The following LOC128125822 variants were observed in gnomAD, a reference collection of about 807,000 sequenced individuals.
the LOC128125822 span, among the ~76,000 whole-genome samples, chr6:63,573,013 T>C: frequency 1.3e-5 from 2 of 151,570 alleles, no homozygotes; most frequent in Admixed American, 1.3e-4. Flanking sequence ...GCGGTCCGGC[T>C]TCTGCGGCGG....
At chr6:63,578,590 G>C in the LOC128125822 span, 1 of 1,551,440 alleles carries the variant, frequency 6.4e-7, no homozygotes, top group Non-Finnish European at 8.6e-7. Context: ...TATTCAAATA[G>C]TAAATTCAAA....
chr6:63,574,966 A>G, the LOC128125822 span, among the ~76,000 whole-genome samples: 26 of 152,216 alleles, frequency 1.7e-4, no homozygotes, highest in Non-Finnish European at 2.9e-4. Flanking sequence ...AACTTGTGAT[A>G]ATGAAAGTTA....
the LOC128125822 span, chr6:63,580,172 T>C: frequency 6.2e-7 from 1 of 1,606,428 alleles, no homozygotes; most frequent in Non-Finnish European, 8.5e-7. Flanking sequence ...TTGCATTCAA[T>C]AAAATTGGGG....
chr6:63,577,322 C>G, the LOC128125822 span, among the ~76,000 whole-genome samples: 2 of 152,128 alleles, frequency 1.3e-5, no homozygotes, highest in Non-Finnish European at 2.9e-5. Flanking sequence ...TGACTAATGC[C>G]ATAAACCAGT....
chr6:63,574,798 G>T, the LOC128125822 span, among the ~76,000 whole-genome samples: 2 of 152,252 alleles, frequency 1.3e-5, no homozygotes, highest in South Asian at 4.2e-4. Context: ...TTCTACGGAG[G>T]TTGTATTTAG....
the LOC128125822 span, among the ~76,000 whole-genome samples, chr6:63,574,541 T>G: frequency 6.6e-6 from 1 of 152,184 alleles, no homozygotes; most frequent in African/African-American, 2.4e-5. Flanking sequence ...AGGGAATTCT[T>G]AATATAGTTC....
chr6:63,574,458 C>T, the LOC128125822 span, among the ~76,000 whole-genome samples: 1 of 152,078 alleles, frequency 6.6e-6, no homozygotes, highest in African/African-American at 2.4e-5. Context: ...CTATCGGTGG[C>T]CACCACTGCT....
At chr6:63,576,741 T>C in the LOC128125822 span, 1 of 666,756 alleles carries the variant, frequency 1.5e-6, no homozygotes, top group East Asian at 2.8e-5. Flanking sequence ...CACTTATCAT[T>C]ACTTACAACT....
chr6:63,573,751 C>T, the LOC128125822 span: 1 of 152,228 alleles, frequency 6.6e-6, no homozygotes, highest in Non-Finnish European at 1.5e-5. Flanking sequence ...GGCCAGTCGT[C>T]GAGAAATGGC....
At chr6:63,577,820 A>C in the LOC128125822 span, among the ~76,000 whole-genome samples, 63 of 150,912 alleles carry the variant, frequency 4.2e-4, no homozygotes, top group African/African-American at 1.5e-3. Context: ...GAAATACTTT[A>C]ATGGTACTTT....
the LOC128125822 span, chr6:63,578,420 A>AT: frequency 6.3e-7 from 1 of 1,595,750 alleles, no homozygotes; most frequent in Non-Finnish European, 8.5e-7. Flanking sequence ...GATTTTTTTA[A>AT]TGTACGTTTT....
the LOC128125822 span, among the ~76,000 whole-genome samples, chr6:63,577,467 A>G: frequency 6.6e-6 from 1 of 152,220 alleles, no homozygotes; most frequent in South Asian, 2.1e-4. Context: ...AATGCTGAAT[A>G]ATATATCGGG....
the LOC128125822 span, chr6:63,572,528 G>A: frequency 2.6e-6 from 1 of 391,084 alleles, no homozygotes; most frequent in East Asian, 3.6e-5. Context: ...GCTCGGCTAC[G>A]CGCTCTGCTC....
At chr6:63,576,368 A>C in the LOC128125822 span, 3 of 398,684 alleles carry the variant, frequency 7.5e-6, no homozygotes, top group Admixed American at 4.4e-5. Context: ...ATAGTGTAAA[A>C]CCCTAATGTA....
At chr6:63,581,462 A>G in the LOC128125822 span, 1 of 152,580 alleles carries the variant, frequency 6.6e-6, no homozygotes, top group Middle Eastern at 3.2e-3. Flanking sequence ...CATCATTGAG[A>G]TTGGTTTGCT....
chr6:63,580,231 T>TA, the LOC128125822 span: 5 of 1,329,202 alleles, frequency 3.8e-6, no homozygotes, highest in African/African-American at 1.5e-5. Context: ...TAATTTGTTA[T>TA]ACATATTAGC....
At chr6:63,574,590 G>A in the LOC128125822 span, among the ~76,000 whole-genome samples, 3 of 152,152 alleles carry the variant, frequency 2.0e-5, no homozygotes, top group African/African-American at 7.2e-5. Flanking sequence ...CTTACATGAA[G>A]GGATATGGCC....
chr6:63,582,848 CCACGCCTTAA>C, the LOC128125822 span: 3 of 152,338 alleles, frequency 2.0e-5, no homozygotes, highest in South Asian at 6.2e-4. Flanking sequence ...TCTCCTATTC[CCACGCCTTAA>C]CACAGCTCTA....
chr6:63,576,556 A>G, the LOC128125822 span: 1 of 447,242 alleles, frequency 2.2e-6, no homozygotes, highest in Non-Finnish European at 3.9e-6. Flanking sequence ...TTACTGCTCC[A>G]CCAAGAAGCC....
Sources: gnomAD v4.1 joint callset for allele counts (sites outside exome capture counted in the v4.1 genomes callset) on GRCh38, gnomAD v4.1.1 for gene constraint, MANE v1.5 for transcripts.